The following P2RY8 variants were observed in gnomAD, a reference collection of about 807,000 sequenced individuals.
P2RY8 encodes the protein S-geranylgeranyl-glutathione receptor P2RY8.
Under a neutral mutation model 10.0 loss-of-function variants are expected in P2RY8, and 6 were observed. The observed-to-expected ratio is 0.60, with a 90% CI of 0.33 to 1.19. The LOEUF (loss-of-function observed/expected upper bound fraction) is 1.19, where lower values mean the gene tolerates loss of function less well. Ranked by LOEUF, P2RY8 falls within the 50% of genes most tolerant of loss-of-function variation. P2RY8 has a pLI of 0.04. For missense variants in P2RY8, 456 were observed against 542.0 expected, an observed-to-expected ratio of 0.84 and a Z score of 1.58; for synonymous variants, 276 against 252.5, an observed-to-expected ratio of 1.09 and a Z score of -0.88.
chrX:1,527,467 A>G (rs1328615499), intron 1 of P2RY8, among the ~76,000 whole-genome samples: 1 of 152,074 alleles, frequency 6.6e-6, no homozygotes, highest in Non-Finnish European at 1.5e-5. Context: ...TCATCCATCC[A>G]TCCGTTCATC....
chrX:1,482,932 G>T (rs766704891), intron 1 of P2RY8, among the ~76,000 whole-genome samples: 1 of 151,866 alleles, frequency 6.6e-6, no homozygotes, highest in African/African-American at 2.4e-5. Flanking sequence ...ATCACACACC[G>T]GGGACTGTTG....
chrX:1,467,303 C>T (rs1377564483), intron 1 of P2RY8, among the ~76,000 whole-genome samples: 1 of 152,178 alleles, frequency 6.6e-6, no homozygotes, highest in African/African-American at 2.4e-5. Flanking sequence ...AGGAGACCTG[C>T]GACTTCTTAC....
At position 1,477,076 on chromosome X, in the gene P2RY8, C is replaced by T. The variant is rs185985510; in HGVS notation, c.-24-10494G>A. Among the ~76,000 whole-genome samples the T allele has an allele frequency of 2.0e-3, 307 of 152,116 alleles. 6 individuals carry two copies. The East Asian group carries it at 0.052, about 26-fold the overall frequency. On this transcript the variant is annotated intron_variant, in intron 1 of 1. Transcript: ENST00000381297. ...TGGTGGCGGGTGCCTCTAATCCCAG[C>T]TACTTGGGAGGCTGAGGCAGGAGAA...
At chrX:1,517,934 C>A (rs751861815) in intron 1 of P2RY8, among the ~76,000 whole-genome samples, 4 of 150,898 alleles carry the variant, frequency 2.7e-5, no homozygotes, top group Non-Finnish European at 4.4e-5. Flanking sequence ...CATGGTGAAA[C>A]CCCATCTCTA....
In P2RY8 at chrX:1,463,304, T is replaced by C; in HGVS notation, c.*2175A>G. Reference sequence around the variant, plus strand: ...TGGAACAGTCTAGAGAAGCAGGAGGTTAATTTTCCTCCTTCTGTGGAAGTT... The same window carrying C: ...TGGAACAGTCTAGAGAAGCAGGAGGCTAATTTTCCTCCTTCTGTGGAAGTT... On this transcript the variant is annotated 3_prime_UTR_variant, in exon 2 of 2. Transcript: ENST00000381297. The C allele has an allele frequency of 4.3e-6, 1 of 232,886 alleles. No individual in the cohort carries two copies. The highest frequency in any genetic ancestry group is 8.5e-6 in the Non-Finnish European group (1 of 117,890). 14.4% of individuals were successfully genotyped at this position (232,886 alleles called of 1,614,324 possible).
intron 1 of P2RY8, among the ~76,000 whole-genome samples, chrX:1,518,708 G>A (rs748011144): frequency 6.6e-6 from 1 of 151,220 alleles, no homozygotes; most frequent in South Asian, 2.1e-4. Flanking sequence ...AATCTGTTTG[G>A]TTCTCCCTGG....
At chrX:1,480,684 T>G (rs748268798) in intron 1 of P2RY8, among the ~76,000 whole-genome samples, 1 of 151,768 alleles carries the variant, frequency 6.6e-6, no homozygotes, top group East Asian at 1.9e-4. Context: ...GGTGAGGGGA[T>G]AGAGGAGGGA....
intron 1 of P2RY8, among the ~76,000 whole-genome samples, chrX:1,515,364 TTTTC>T (rs2092338197): frequency 6.9e-6 from 1 of 145,596 alleles, no homozygotes; most frequent in Non-Finnish European, 1.5e-5. Flanking sequence ...TTTTAGGATA[TTTTC>T]TTTCTTTCTT....
At chrX:1,514,090 G>C (rs28465446) in intron 1 of P2RY8, among the ~76,000 whole-genome samples, 46 of 152,124 alleles carry the variant, frequency 3.0e-4, no homozygotes, top group African/African-American at 1.1e-3. Flanking sequence ...ACTTGTGCCC[G>C]TTTTCCTTTA....
chrX:1,486,722 A>G (rs1392230132), intron 1 of P2RY8, among the ~76,000 whole-genome samples: 1 of 152,208 alleles, frequency 6.6e-6, no homozygotes, highest in Non-Finnish European at 1.5e-5. Flanking sequence ...TGTCAAGCAT[A>G]ATCTCAACAA....
intron 1 of P2RY8, among the ~76,000 whole-genome samples, chrX:1,501,237 C>T (rs763462884): frequency 6.6e-6 from 1 of 152,242 alleles, no homozygotes; most frequent in Non-Finnish European, 1.5e-5. Flanking sequence ...GTTTTCGGTC[C>T]GACTTCAAGG....
At chrX:1,478,238 C>A (rs2091897113) in intron 1 of P2RY8, among the ~76,000 whole-genome samples, 1 of 68,906 alleles carries the variant, frequency 1.5e-5, no homozygotes, top group African/African-American at 6.8e-5. Flanking sequence ...AAAAATGGTG[C>A]TGGCAGGCGT....
intron 1 of P2RY8, among the ~76,000 whole-genome samples, chrX:1,468,636 G>C (rs1405933758): frequency 6.6e-6 from 1 of 151,936 alleles, no homozygotes; most frequent in Non-Finnish European, 1.5e-5. Context: ...GGCCTGCAGA[G>C]GTGGCTGTCC....
intron 1 of P2RY8, among the ~76,000 whole-genome samples, chrX:1,507,126 G>C (rs1313945152): frequency 7.7e-5 from 9 of 116,560 alleles, no homozygotes; most frequent in Non-Finnish European, 1.5e-4. Context: ...GAGTCCTCAT[G>C]GGCCCCAAAG....
intron 1 of P2RY8, among the ~76,000 whole-genome samples, chrX:1,473,980 T>C (rs1424226336): frequency 6.9e-6 from 1 of 144,018 alleles, no homozygotes; most frequent in East Asian, 2.2e-4. Flanking sequence ...AGTGGGTGGA[T>C]GGACGGATGC....
Position 1,508,704 on chromosome X carries a change from T to TCCATCCATCTATTCTATCTA in P2RY8, c.-25+28216_-25+28217insTAGATAGAATAGATGGATGG, listed in dbSNP as rs1201683452. ...CATCATCCATCCATCCATCCATCCATTCTATCTATCTATCTATCTATCTAT... is the reference window on the plus strand; with the variant it reads ...CATCATCCATCCATCCATCCATCCATCCATCCATCTATTCTATCTATCTATCTATCTATCTATCTATCTAT... On this transcript the variant is annotated intron_variant, in intron 1 of 1. Transcript: ENST00000381297. Among the ~76,000 whole-genome samples the TCCATCCATCTATTCTATCTA allele has an allele frequency of 2.7e-5, 3 of 112,082 alleles. 1 individual carries two copies. Among genetic ancestry groups the TCCATCCATCTATTCTATCTA allele is most frequent in the African/African-American group, 1.0e-4 (3 of 29,632 alleles). The allele number at this position is 112,082 out of a possible 152,430, so 73.5% of individuals were successfully genotyped here.
In P2RY8 at chrX:1,465,665, C is replaced by T. The variant is rs1406516310; in HGVS notation, c.894G>A (p.Arg298=). ...ATTCCCGCAGGCGCAGCTGGAATTC[C>T]CGGGACGCAAAGTAATAAACAAACG... ...LDPFVYYFAS[R]EFQLRLREYL... The change falls in exon 2 of 2, where the codon CGG becomes CGA. Residue 298 remains arginine, a synonymous_variant. Coordinates refer to ENST00000381297, the MANE Select transcript of P2RY8 (RefSeq NM_178129.5). 1.9e-6 allele frequency: 3 copies of T among 1,613,454 alleles called. No individual in the cohort carries two copies. In the African/African-American group the frequency reaches 4.0e-5, roughly 22 times the overall value.
intron 1 of P2RY8, among the ~76,000 whole-genome samples, chrX:1,533,977 ATATAT>A (rs2092503282): frequency 8.1e-6 from 1 of 124,046 alleles, no homozygotes; most frequent in South Asian, 2.4e-4. Context: ...TATAACTTAA[ATATAT>A]TATATATTTA....
At chrX:1,529,113 C>G (rs1359466075) in intron 1 of P2RY8, among the ~76,000 whole-genome samples, 1 of 152,140 alleles carries the variant, frequency 6.6e-6, no homozygotes, top group Non-Finnish European at 1.5e-5. Flanking sequence ...CAGCGGGGCC[C>G]TTGGTCTTGG....
Sources: gnomAD v4.1 joint callset for allele counts (sites outside exome capture counted in the v4.1 genomes callset) on GRCh38, gnomAD v4.1.1 for gene constraint, MANE v1.5 for transcripts, NCBI Gene and HGNC (gene_info 2026-07-23, HGNC 2026-07-21) for gene names.